Variants in CA4 observed in about 807,000 individuals in gnomAD.
The protein encoded by CA4 is carbonic anhydrase 4.
CA4 carries 24 observed loss-of-function variants against 34.5 expected under a neutral mutation model. The ratio of observed to expected loss-of-function variants is 0.70; its 90% CI spans 0.50 to 0.98. The LOEUF is 0.98. Among genes scored for constraint, CA4 ranks in the 50% least tolerant of loss-of-function variants. CA4 has a pLI of 0.00. For missense variants in CA4, 394 were observed against 396.7 expected, an observed-to-expected ratio of 0.99 and a Z score of 0.06; for synonymous variants, 178 against 170.6, an observed-to-expected ratio of 1.04 and a Z score of -0.34.
At chr17:60,175,715 A>AAAGAGTTG (rs1240168014), downstream of CA4, among the ~76,000 whole-genome samples, 1 of 151,710 alleles carries the variant, frequency 6.6e-6, no homozygotes, top group Non-Finnish European at 1.5e-5. Flanking sequence ...CTGGCACTTA[A>AAAGAGTTG]AAGAGTTGTG....
At chr17:60,159,994 AC>A (rs1249386192), downstream of CA4, among the ~76,000 whole-genome samples, 4 of 152,200 alleles carry the variant, frequency 2.6e-5, no homozygotes, top group East Asian at 7.7e-4. Flanking sequence ...ACAAAAATTA[AC>A]CAGGTGTGGT....
At chr17:60,161,563 G>A (rs999380196), downstream of CA4, among the ~76,000 whole-genome samples, 1 of 152,032 alleles carries the variant, frequency 6.6e-6, no homozygotes, top group African/African-American at 2.4e-5. Flanking sequence ...TGTGGGAGGG[G>A]AGCTGGTGGG....
In CA4 at chr17:60,150,077, C is replaced by T. The variant is rs1252490502; in HGVS notation, c.43C>T (p.Pro15Ser). 6.3e-7 allele frequency: 1 copy of T among 1,599,304 alleles called. No homozygotes were observed. Among genetic ancestry groups the T allele is most frequent in the South Asian group, 1.1e-5 (1 of 90,886 alleles). Residue 15 changes from proline (P) to serine (S), a missense_variant, in exon 1 of 8, where the codon CCA (proline) becomes TCA (serine). Transcript: ENST00000300900. ...GCTCCTGGCCCTCTCCGCGGCGCGG[C>T]CATCGGCCAGTGCAGGTGAGCTCCC... ...LALLALSAARPSASAESHWCY... is the reference protein window; with the variant it reads ...LALLALSAARSSASAESHWCY...
At chr17:60,174,823 G>A (rs1235367281), downstream of CA4, among the ~76,000 whole-genome samples, 1 of 152,156 alleles carries the variant, frequency 6.6e-6, no homozygotes, top group African/African-American at 2.4e-5. Flanking sequence ...AAACTAGCTG[G>A]GAAAAATGTG....
downstream of CA4, among the ~76,000 whole-genome samples, chr17:60,160,188 T>C (rs1445406669): frequency 2.0e-5 from 3 of 152,192 alleles, no homozygotes; most frequent in African/African-American, 7.2e-5. Context: ...CAGAGCCGAC[T>C]GCATGACGGC....
rs754082624 is a variant in CA4 at position 60,157,507 on chromosome 17, C to T, written c.349C>T (p.His117Tyr). 5.0e-6 allele frequency: 8 copies of T among 1,614,082 alleles called. No homozygotes were observed. In the South Asian group the frequency reaches 8.8e-5, roughly 18 times the overall value. The change falls in exon 4 of 8, where the codon CAC becomes TAC. Residue 117 changes from histidine (H) to tyrosine (Y), a missense_variant. His to Tyr is a moderately conservative substitution (Grantham distance 83, BLOSUM62 2). Transcript: ENST00000300900. Reference sequence around the variant, plus strand: ...ATACCAGGCCAAACAGTTGCACCTGCACTGGTCCGACTTGCCATATAAGGG... The same window carrying T: ...ATACCAGGCCAAACAGTTGCACCTGTACTGGTCCGACTTGCCATATAAGGG... ...APYQAKQLHL[H>Y]WSDLPYKGSE...
At chr17:60,152,985 G>A (rs975141410) in intron 1 of CA4, among the ~76,000 whole-genome samples, 2 of 152,168 alleles carry the variant, frequency 1.3e-5, no homozygotes, top group Non-Finnish European at 2.9e-5. Context: ...ACCCAGACTT[G>A]GGAAGGTCCA....
chr17:60,156,934 G>A (rs993362882), intron 3 of CA4: 26 of 613,258 alleles, frequency 4.2e-5, no homozygotes, highest in South Asian at 2.6e-4. Context: ...GGCAGGAAAC[G>A]TTCCAGGAAG....
chr17:60,156,499 G>A (rs370415017), intron 2 of CA4, 61 bp from the exon 3 acceptor site: 1 of 1,558,074 alleles, frequency 6.4e-7, no homozygotes, highest in Non-Finnish European at 8.9e-7. Flanking sequence ...CAGTGGGGTG[G>A]TGGGGGCTAC....
At chr17:60,153,275 T>C (rs1328922671) in intron 1 of CA4, among the ~76,000 whole-genome samples, 1 of 151,966 alleles carries the variant, frequency 6.6e-6, no homozygotes, top group Non-Finnish European at 1.5e-5. Context: ...GAAGTGGAGG[T>C]TGCAGTGAGC....
chr17:60,156,407 C>T (rs757861124), intron 2 of CA4, among the ~76,000 whole-genome samples, 153 bp from the exon 3 acceptor site: 14 of 152,090 alleles, frequency 9.2e-5, no homozygotes, highest in Non-Finnish European at 1.8e-4. Flanking sequence ...GAGTGGAGTT[C>T]GGAGCTGAGC....
At position 60,158,392 on chromosome 17, in the gene CA4, T is replaced by A; in HGVS notation, c.690T>A (p.Asp230Glu). ...YLGSLTTPTC[D>E]EKVVWTVFRE... ...GCTCACTCACCACACCGACCTGCGA[T>A]GAGAAGGTCGTCTGGACTGTGTTCC... is the stretch of plus-strand genomic sequence containing the variant. Residue 230 changes from aspartate to glutamate, a missense_variant, in exon 7 of 8, where the codon GAT (aspartate) becomes GAA (glutamate). Asp to Glu is a conservative substitution (Grantham distance 45). Coordinates refer to ENST00000300900, the MANE Select transcript of CA4 (RefSeq NM_000717.5). The A allele has an allele frequency of 2.5e-6, 4 of 1,610,738 alleles. No individual in the cohort carries two copies. The highest frequency in any genetic ancestry group is 3.4e-6 in the Non-Finnish European group (4 of 1,176,862).
At position 60,157,511 on chromosome 17, in the gene CA4, G is replaced by C. The variant is rs758082437; in HGVS notation, c.353G>C (p.Trp118Ser). 6.2e-7 allele frequency: 1 copy of C among 1,614,186 alleles called. No homozygotes were observed. The highest frequency in any genetic ancestry group is 8.5e-7 in the Non-Finnish European group (1 of 1,180,034). The change falls in exon 4 of 8, where the codon TGG becomes TCG. Residue 118 changes from tryptophan (W) to serine (S), a missense_variant. Transcript: ENST00000300900. ...CAGGCCAAACAGTTGCACCTGCACT[G>C]GTCCGACTTGCCATATAAGGGCTCG... ...PYQAKQLHLHWSDLPYKGSEH... is the reference protein window; with the variant it reads ...PYQAKQLHLHSSDLPYKGSEH...
intron 1 of CA4, among the ~76,000 whole-genome samples, chr17:60,154,969 G>A (rs2083652179): frequency 1.3e-5 from 2 of 152,182 alleles, no homozygotes; most frequent in Admixed American, 6.5e-5. Flanking sequence ...TTGGGGTGGG[G>A]GAGGTAAGCG....
In CA4 at chr17:60,156,653, G is replaced by A. The variant is rs121434552; in HGVS notation, c.206G>A (p.Arg69His). The A allele has an allele frequency of 2.0e-5, 33 of 1,613,990 alleles. No homozygotes were observed. Among genetic ancestry groups the A allele is most frequent in the South Asian group, 1.9e-4 (17 of 91,084 alleles). The change falls in exon 3 of 8, where the codon CGC (arginine) becomes CAC (histidine). Residue 69 changes from arginine (R) to histidine (H), a missense_variant. By Grantham distance (29) the Arg-to-His change is conservative. Transcript: ENST00000300900. ...TKAKVDKKLG[R>H]FFFSGYDKKQ... ...GCAAAGGTGGACAAAAAACTGGGAC[G>A]CTTCTTCTTCTCTGGCTACGATAAG...
intron 7 of CA4, chr17:60,158,707 T>C (rs904314969): frequency 1.3e-5 from 7 of 548,016 alleles, no homozygotes; most frequent in Non-Finnish European, 2.0e-5. Flanking sequence ...AACGAGGCTC[T>C]GGGGAGACAG....
intron 1 of CA4, among the ~76,000 whole-genome samples, chr17:60,154,104 C>T (rs1475064553): frequency 6.6e-6 from 1 of 152,082 alleles, no homozygotes; most frequent in Middle Eastern, 3.2e-3. Context: ...AGCTCAGAGA[C>T]CTCAGCTTTG....
chr17:60,164,018 A>G (rs1321213068), downstream of CA4, among the ~76,000 whole-genome samples: 1 of 151,586 alleles, frequency 6.6e-6, no homozygotes, highest in Admixed American at 6.6e-5. Flanking sequence ...GGTCCCAGTT[A>G]CTTGAGAGGC....
At chr17:60,164,081 C>T (rs1426054822), downstream of CA4, among the ~76,000 whole-genome samples, 3 of 151,596 alleles carry the variant, frequency 2.0e-5, no homozygotes, top group Admixed American at 6.6e-5. Flanking sequence ...TGCACTCCAG[C>T]CTGGGCAACA....
Sources: gnomAD v4.1 joint callset for allele counts (sites outside exome capture counted in the v4.1 genomes callset) on GRCh38, gnomAD v4.1.1 for gene constraint, MANE v1.5 for transcripts, NCBI Gene and HGNC (gene_info 2026-07-23, HGNC 2026-07-21) for gene names.